Variants in SLC9A8 observed in about 807,000 individuals in gnomAD.
SLC9A8 encodes the protein sodium/hydrogen exchanger 8.
A neutral mutation model predicts 66.6 loss-of-function variants in SLC9A8; 48 were observed. The ratio of observed to expected loss-of-function variants is 0.72; its 90% CI spans 0.57 to 0.92. The LOEUF (loss-of-function observed/expected upper bound fraction) is 0.92. Ranked by LOEUF, SLC9A8 falls within the 40% of genes least tolerant of loss-of-function variation. The probability of loss-of-function intolerance (pLI) is 0.00; values close to 1 mark genes in which losing one functional copy is unlikely to be tolerated. For synonymous variants in SLC9A8, 274 were observed against 282.6 expected, an observed-to-expected ratio of 0.97 and a Z score of 0.31; for missense variants, 599 against 747.3, an observed-to-expected ratio of 0.80 and a Z score of 2.31.
Position 49,822,948 on chromosome 20 carries a change from AT to A in SLC9A8, c.209-111del, listed in dbSNP as rs552494826. On this transcript the variant is annotated intron_variant, in intron 2 of 15. Transcript: ENST00000361573. ...CGCTGAAGTTCACTGTGTTATTCCAATTGTCCATTTCTGTGAGGACCCCCCC... is the reference window on the plus strand; with the variant it reads ...CGCTGAAGTTCACTGTGTTATTCCAATGTCCATTTCTGTGAGGACCCCCCC... 2.7e-3 allele frequency: 2,155 copies of A among 803,510 alleles called. 10 individuals are homozygous for A. Among genetic ancestry groups the A allele is most frequent in the Middle Eastern group, 0.014 (40 of 2,824 alleles). 49.8% of individuals were successfully genotyped at this position (803,510 alleles called of 1,614,324 possible). A position where few individuals can be genotyped will look rare whatever the true frequency, so the allele number is the denominator to read the frequency against.
intron 7 of SLC9A8, among the ~76,000 whole-genome samples, chr20:49,851,672 CT>C: frequency 6.6e-6 from 1 of 152,310 alleles, no homozygotes; most frequent in African/African-American, 2.4e-5. Flanking sequence ...AACTGTGTCT[CT>C]GATAACAAAT....
At chr20:49,883,288 G>A (rs1021074545) in intron 13 of SLC9A8, among the ~76,000 whole-genome samples, 1 of 152,020 alleles carries the variant, frequency 6.6e-6, no homozygotes, top group Admixed American at 6.6e-5. Flanking sequence ...TGCCACCAGG[G>A]GCCTCCACAG....
At chr20:49,841,852 C>A (rs1018326952) in intron 4 of SLC9A8, among the ~76,000 whole-genome samples, 1 of 151,892 alleles carries the variant, frequency 6.6e-6, no homozygotes, top group Non-Finnish European at 1.5e-5. Context: ...ACCTTGTCCT[C>A]CCAAAGTGCT....
At chr20:49,831,513 T>C (rs201419388) in intron 3 of SLC9A8, among the ~76,000 whole-genome samples, 9 of 152,132 alleles carry the variant, frequency 5.9e-5, no homozygotes, top group Non-Finnish European at 8.8e-5. Context: ...GCTTGTCTTA[T>C]CTCAAACCCC....
intron 3 of SLC9A8, chr20:49,830,093 C>T (rs2087111185): frequency 2.7e-6 from 2 of 744,736 alleles, no homozygotes; most frequent in African/African-American, 1.7e-5. Flanking sequence ...CCATCATTTC[C>T]TGCTAAGCCA....
At chr20:49,883,764 G>A in intron 13 of SLC9A8, 82 bp from the exon 14 acceptor site, 1 of 1,135,382 alleles carries the variant, frequency 8.8e-7, no homozygotes, top group East Asian at 2.4e-5. Flanking sequence ...GTGGTGCTGG[G>A]CCGGCTGGAT....
chr20:49,886,658 G>T lies in SLC9A8; in HGVS notation c.1492-94G>T. Reference sequence around the variant, plus strand: ...ATGGTCAAGTGGAGTTAGGGTTGGGGACACTGGCGGCCTGGGTGGTGTGGG... The same window carrying T: ...ATGGTCAAGTGGAGTTAGGGTTGGGTACACTGGCGGCCTGGGTGGTGTGGG... On this transcript the variant is annotated intron_variant, in intron 14 of 15. Transcript: ENST00000361573. This position sits in a 1 kb window ranked among gnomAD's most constrained non-coding sequence, Gnocchi z 4.8. The T allele has an allele frequency of 6.9e-7, 1 of 1,450,772 alleles. No homozygotes were observed. Among genetic ancestry groups the T allele is most frequent in the Non-Finnish European group, 9.4e-7 (1 of 1,062,948 alleles). 89.9% of individuals were successfully genotyped at this position (1,450,772 alleles called of 1,614,324 possible).
chr20:49,863,201 A>G, intron 9 of SLC9A8, 134 bp downstream of exon 9: 1 of 767,260 alleles, frequency 1.3e-6, no homozygotes, highest in South Asian at 2.1e-5. Flanking sequence ...TTTTTTGCTT[A>G]GTTTTTGTTT....
At chr20:49,870,404 T>C (rs553924126) in intron 10 of SLC9A8, among the ~76,000 whole-genome samples, 1 of 152,312 alleles carries the variant, frequency 6.6e-6, no homozygotes, top group African/African-American at 2.4e-5. Flanking sequence ...AGCCCAGACC[T>C]GTGTGGCGAG....
chr20:49,834,437 A>ATATATATACTGTG (rs2087438077), intron 3 of SLC9A8, among the ~76,000 whole-genome samples: 5 of 28,420 alleles, frequency 1.8e-4, no homozygotes, highest in African/African-American at 9.5e-4. Flanking sequence ...TATACTGTAT[A>ATATATATACTGTG]TATATATATA....
Position 49,823,092 on chromosome 20 carries a change from C to A in SLC9A8, c.240C>A (p.Ile80=). Residue 80 remains isoleucine, a synonymous_variant, in exon 3 of 16, where the codon ATC becomes ATA. Coordinates refer to ENST00000361573, the MANE Select transcript of SLC9A8 (RefSeq NM_015266.3). ...GCATCATATTGGTGCATTTACTGAT[C>A]CGATACAGATTACATTTCTTGCCAG... ...AICIILVHLL[I]RYRLHFLPES... The A allele has an allele frequency of 6.2e-7, 1 of 1,612,478 alleles. No homozygotes were observed.
At position 49,850,863 on chromosome 20, in the gene SLC9A8, A is replaced by G; in HGVS notation, c.569+19A>G. On this transcript the variant is annotated intron_variant, in intron 7 of 15. Transcript: ENST00000361573. ...CAGACAGGTAAATCCTTCATACTGT[A>G]ACACCCATGCGACTGCTTTTCAGAC... is the stretch of plus-strand genomic sequence containing the variant. The G allele has an allele frequency of 6.3e-7, 1 of 1,579,154 alleles. No homozygotes were observed.
At chr20:49,846,261 A>G (rs916503665) in intron 5 of SLC9A8, among the ~76,000 whole-genome samples, 1 of 152,206 alleles carries the variant, frequency 6.6e-6, no homozygotes, top group Non-Finnish European at 1.5e-5. Flanking sequence ...GTTTTAAAAT[A>G]AAGTGATTCA....
intron 13 of SLC9A8, among the ~76,000 whole-genome samples, chr20:49,882,245 ACTT>A (rs537015763): frequency 3.2e-4 from 48 of 151,664 alleles, no homozygotes; most frequent in African/African-American, 1.1e-3. Flanking sequence ...CATTTTCTCC[ACTT>A]CTTCACCGCC....
At chr20:49,848,115 G>A (rs1470045369) in intron 5 of SLC9A8, among the ~76,000 whole-genome samples, 1 of 151,490 alleles carries the variant, frequency 6.6e-6, no homozygotes, top group African/African-American at 2.4e-5. Context: ...GCAGAGATGG[G>A]GTTTCTCCAT....
At chr20:49,843,354 T>C (rs532328599) in intron 4 of SLC9A8, among the ~76,000 whole-genome samples, 3 of 152,340 alleles carry the variant, frequency 2.0e-5, no homozygotes, top group African/African-American at 7.2e-5. Flanking sequence ...TACATGCTGC[T>C]ATTTTAAGAC....
intron 10 of SLC9A8, 54 bp from the exon 11 acceptor site, chr20:49,874,651 T>C: frequency 8.9e-7 from 1 of 1,117,886 alleles, no homozygotes; most frequent in South Asian, 1.2e-5. Context: ...CATTGTGAGA[T>C]CTGAGTTGGG....
At chr20:49,872,457 C>CT (rs3067539) in intron 10 of SLC9A8, among the ~76,000 whole-genome samples, 44 of 146,982 alleles carry the variant, frequency 3.0e-4, no homozygotes, top group South Asian at 1.1e-3. Flanking sequence ...GATTTTCACC[C>CT]TTTTTTTTTT....
intron 3 of SLC9A8, among the ~76,000 whole-genome samples, chr20:49,828,576 G>T (rs1041425666): frequency 6.7e-6 from 1 of 149,988 alleles, no homozygotes; most frequent in Non-Finnish European, 1.5e-5. Context: ...AGTGGCTCAT[G>T]CCTGTAATCC....
Sources: gnomAD v4.1 joint callset for allele counts (sites outside exome capture counted in the v4.1 genomes callset) on GRCh38, gnomAD v4.1.1 for gene constraint, Gnocchi (gnomAD v3.1) non-coding constraint, MANE v1.5 for transcripts, NCBI Gene and HGNC (gene_info 2026-07-23, HGNC 2026-07-21) for gene names.